The following ITFG1 variants were observed in gnomAD, a reference collection of about 807,000 sequenced individuals.
The protein encoded by ITFG1 is integrin alpha FG-GAP repeat containing 1.
In ITFG1, 34 loss-of-function variants were observed where a neutral mutation model predicts 81.8. That is an observed-to-expected ratio of 0.42 (90% CI 0.32 to 0.55). The LOEUF (loss-of-function observed/expected upper bound fraction) is 0.55, where lower values mean the gene tolerates loss of function less well. ITFG1 is among the 20% of genes least tolerant of loss of function. ITFG1 has a pLI of 0.17. For synonymous variants in ITFG1, 285 were observed against 270.6 expected (o/e 1.05, Z -0.52); for missense variants, 672 against 755.4 (o/e 0.89, Z 1.29).
intron 13 of ITFG1, among the ~76,000 whole-genome samples, chr16:47,222,465 G>A (rs1965704916): frequency 6.7e-6 from 1 of 149,790 alleles, no homozygotes; most frequent in South Asian, 2.1e-4. Context: ...CCAGGCCGGA[G>A]TGCAGTGGCG....
intron 12 of ITFG1, among the ~76,000 whole-genome samples, chr16:47,251,069 A>G (rs1266045902): frequency 6.6e-6 from 1 of 152,234 alleles, no homozygotes; most frequent in Non-Finnish European, 1.5e-5. Flanking sequence ...CAAACTTTTT[A>G]GCATAGAGGA....
intron 6 of ITFG1, among the ~76,000 whole-genome samples, chr16:47,382,050 C>T (rs1202502973): frequency 6.6e-6 from 1 of 152,174 alleles, no homozygotes; most frequent in East Asian, 1.9e-4. Context: ...AATTAATTAG[C>T]TCCAGACAAT....
At chr16:47,392,692 A>G (rs2151596381) in intron 6 of ITFG1, among the ~76,000 whole-genome samples, 1 of 152,314 alleles carries the variant, frequency 6.6e-6, no homozygotes, top group South Asian at 2.1e-4. Flanking sequence ...GATTTCACGC[A>G]TGAATCGGAA....
intron 8 of ITFG1, among the ~76,000 whole-genome samples, chr16:47,348,071 C>G (rs1046477435): frequency 6.6e-6 from 1 of 152,158 alleles, no homozygotes; most frequent in African/African-American, 2.4e-5. Context: ...ACGTCACCAT[C>G]ATCAAAGACA....
chr16:47,271,328 G>A (rs1250285729), intron 10 of ITFG1, among the ~76,000 whole-genome samples: 1 of 152,046 alleles, frequency 6.6e-6, no homozygotes, highest in Non-Finnish European at 1.5e-5. Context: ...GTTTTCCAAG[G>A]AAGAGATACA....
chr16:47,428,127 G>T (rs1969047009), intron 6 of ITFG1, among the ~76,000 whole-genome samples: 1 of 152,124 alleles, frequency 6.6e-6, no homozygotes. Context: ...AACAGAGTGA[G>T]ACCCTCTCAA....
At chr16:47,456,027 G>GA (rs1969448690) in intron 2 of ITFG1, among the ~76,000 whole-genome samples, 1 of 152,042 alleles carries the variant, frequency 6.6e-6, no homozygotes, top group African/African-American at 2.4e-5. Flanking sequence ...CCTCTAGCTT[G>GA]AAAGGGCCCA....
intron 10 of ITFG1, among the ~76,000 whole-genome samples, chr16:47,303,274 A>G (rs1344576537): frequency 6.6e-6 from 1 of 152,160 alleles, no homozygotes; most frequent in Non-Finnish European, 1.5e-5. Context: ...CCATCTCAAA[A>G]AAAAAAGAGA....
chr16:47,376,315 T>C (rs760728991), intron 6 of ITFG1, among the ~76,000 whole-genome samples: 1 of 152,064 alleles, frequency 6.6e-6, no homozygotes, highest in Non-Finnish European at 1.5e-5. Context: ...AAGCAACACT[T>C]ACCTATATAT....
At chr16:47,410,902 A>G (rs1312189177) in intron 6 of ITFG1, among the ~76,000 whole-genome samples, 1 of 152,186 alleles carries the variant, frequency 6.6e-6, no homozygotes, top group Non-Finnish European at 1.5e-5. Context: ...TCTTCTGGGT[A>G]GCTCTAACCA....
intron 6 of ITFG1, among the ~76,000 whole-genome samples, chr16:47,418,153 C>T (rs1208255185): frequency 3.9e-5 from 6 of 151,974 alleles, no homozygotes; most frequent in African/African-American, 1.4e-4. Flanking sequence ...TTTCATAAAC[C>T]TATTGGCCAT....
chr16:47,221,084 C>A (rs1045324878), intron 13 of ITFG1, among the ~76,000 whole-genome samples: 3 of 152,028 alleles, frequency 2.0e-5, no homozygotes, highest in African/African-American at 7.2e-5. Flanking sequence ...CTGGAGGGGG[C>A]AGAACAGGTT....
intron 6 of ITFG1, among the ~76,000 whole-genome samples, chr16:47,376,302 A>C (rs1442867453): frequency 6.6e-6 from 1 of 152,140 alleles, no homozygotes; most frequent in East Asian, 1.9e-4. Flanking sequence ...TCACCCTGAA[A>C]GCAAGCAACA....
chr16:47,439,055 C>T (rs975785017), intron 5 of ITFG1, among the ~76,000 whole-genome samples: 2 of 151,990 alleles, frequency 1.3e-5, no homozygotes, highest in Admixed American at 6.6e-5. Context: ...CCTCAGTAAC[C>T]GATGCGATGA....
chr16:47,268,667 C>T (rs1596849431), intron 10 of ITFG1, among the ~76,000 whole-genome samples: 3 of 152,184 alleles, frequency 2.0e-5, no homozygotes, highest in South Asian at 2.1e-4. Context: ...TTCATTGAAA[C>T]GTGTGCATTT....
At chr16:47,157,596 C>G (rs955431504) in intron 17 of ITFG1, 1 of 152,174 alleles carries the variant, frequency 6.6e-6, no homozygotes, top group Non-Finnish European at 1.5e-5. Context: ...TCTGATACTT[C>G]TGGACCAAGT....
At position 47,360,959 on chromosome 16, in the gene ITFG1, G is replaced by C. The variant is rs954200634; in HGVS notation, c.802+4829C>G. On this transcript the variant is annotated intron_variant, in intron 8 of 17. Coordinates refer to ENST00000320640, the MANE Select transcript of ITFG1 (RefSeq NM_030790.5). ...TTTACTAAATGTCATTGATTACTGT[G>C]CTAGGTACTGGGTGTACTCATTGAA... Among the ~76,000 whole-genome samples the C allele has an allele frequency of 2.0e-5, 3 of 152,262 alleles. No homozygotes were observed. In the East Asian group the frequency reaches 5.8e-4, roughly 29 times the overall value.
intron 6 of ITFG1, among the ~76,000 whole-genome samples, chr16:47,407,120 T>C (rs2151601301): frequency 6.6e-6 from 1 of 152,214 alleles, no homozygotes; most frequent in East Asian, 1.9e-4. Context: ...CACTGGAAGA[T>C]TTTGGGAAGA....
At chr16:47,347,052 C>A (rs1241807277) in intron 8 of ITFG1, among the ~76,000 whole-genome samples, 1 of 152,164 alleles carries the variant, frequency 6.6e-6, no homozygotes, top group Non-Finnish European at 1.5e-5. Flanking sequence ...TAAAGATTCA[C>A]CACGATTGGG....
Sources: allele counts gnomAD v4.1 joint callset (sites outside exome capture counted in the v4.1 genomes callset), GRCh38; gene constraint gnomAD v4.1.1; transcripts MANE v1.5; gene names NCBI Gene and HGNC (gene_info 2026-07-23, HGNC 2026-07-21).